The following MDM4 variants were observed in gnomAD, a reference collection of about 807,000 sequenced individuals.
MDM4 encodes the protein MDM4 regulator of p53, also known as protein Mdm4.
In MDM4, 2 loss-of-function variants were observed where a neutral mutation model predicts 60.2. The observed-to-expected ratio is 0.03, with a 90% CI of 0.01 to 0.10. MDM4 has a LOEUF of 0.10. MDM4 is among the 10% of genes least tolerant of loss of function. The pLI, the probability that MDM4 is intolerant of heterozygous loss-of-function variation, is 1.00. For synonymous variants in MDM4, 202 were observed against 198.1 expected (o/e 1.02, Z -0.17); for missense variants, 447 against 577.5 (o/e 0.77, Z 2.32).
In MDM4 at chr1:204,553,834, T is replaced by C. The variant is rs189668120; in HGVS notation, c.*4152T>C. 5 of 220,028 alleles carry C rather than the reference T, an allele frequency of 2.3e-5. No homozygotes were observed. Among genetic ancestry groups the C allele is most frequent in the Admixed American group, 5.8e-5 (1 of 17,276 alleles). 13.6% of individuals were successfully genotyped at this position (220,028 alleles called of 1,614,324 possible). ...CTTTATAAAAATCTTAGACCAGATC[T>C]TTAATATGGTATGCCATTTCCCCAG... On this transcript the variant is annotated 3_prime_UTR_variant, in exon 11 of 11. Coordinates refer to ENST00000367182, the MANE Select transcript of MDM4 (RefSeq NM_002393.5).
At position 204,555,735 on chromosome 1, in the gene MDM4, T is replaced by G. The variant is rs1050208081; in HGVS notation, c.*6053T>G. On this transcript the variant is annotated 3_prime_UTR_variant, in exon 11 of 11. Coordinates refer to ENST00000367182, the MANE Select transcript of MDM4 (RefSeq NM_002393.5). ...CAAAAATTAGCCGGTCGTGGTGGCGTGCACCTGTAGTCCCAGCTACTTGGC... is the reference window on the plus strand; with the variant it reads ...CAAAAATTAGCCGGTCGTGGTGGCGGGCACCTGTAGTCCCAGCTACTTGGC... The G allele has an allele frequency of 8.1e-5, 14 of 173,296 alleles. No individual in the cohort carries two copies. Among genetic ancestry groups the G allele is most frequent in the African/African-American group, 3.1e-4 (13 of 42,124 alleles). The allele number at this position is 173,296 out of a possible 1,614,324, so 10.7% of individuals were successfully genotyped here.
intron 7 of MDM4, among the ~76,000 whole-genome samples, chr1:204,539,658 TCC>T (rs750928450): frequency 5.0e-4 from 76 of 151,398 alleles, no homozygotes; most frequent in Non-Finnish European, 8.4e-4. Context: ...TGCCTCAGCC[TCC>T]TAAGTAGCTG....
At chr1:204,519,806 C>A (rs756117266) in intron 1 of MDM4, among the ~76,000 whole-genome samples, 52 of 150,518 alleles carry the variant, frequency 3.5e-4, no homozygotes, top group Non-Finnish European at 6.2e-4. Flanking sequence ...AGAGTGAGAC[C>A]TTGTCTCAAA....
chr1:204,521,540 C>T (rs1659567638), intron 1 of MDM4, among the ~76,000 whole-genome samples: 1 of 152,076 alleles, frequency 6.6e-6, no homozygotes, highest in South Asian at 2.1e-4. Context: ...ACTGCACCTC[C>T]CTCTCCTTGT....
intron 10 of MDM4, 134 bp downstream of exon 10, chr1:204,547,011 G>T: frequency 2.0e-6 from 1 of 499,208 alleles, no homozygotes; most frequent in Non-Finnish European, 3.6e-6. Flanking sequence ...AAGTGATGTT[G>T]GTTTCTTTAC....
chr1:204,549,241 T>C lies in MDM4; in HGVS notation c.1032T>C (p.Ser344=), dbSNP rs1295579348. 1 of 1,614,172 alleles carries C rather than the reference T, an allele frequency of 6.2e-7. No homozygotes were observed. Residue 344 remains serine (S), a synonymous_variant, in exon 11 of 11, where the codon TCT becomes TCC. Coordinates refer to ENST00000367182, the MANE Select transcript of MDM4 (RefSeq NM_002393.5). The part of the protein sequence containing the change: ...CSKLTHSLST[S]DITAIPEKEN... ...AGTTAACCCATTCTCTCTCCACGTC[T>C]GATATCACTGCCATACCTGAAAAGG... is the stretch of plus-strand genomic sequence containing the variant.
intron 7 of MDM4, 33 bp from the exon 8 acceptor site, chr1:204,542,751 A>G (rs1183287851): frequency 2.0e-6 from 3 of 1,531,412 alleles, no homozygotes; most frequent in African/African-American, 2.8e-5. Context: ...CGTATTGTGC[A>G]TAGTTATCAT....
chr1:204,530,584 T>G, intron 3 of MDM4, 100 bp from the exon 4 acceptor site: 1 of 1,480,716 alleles, frequency 6.8e-7, no homozygotes, highest in Non-Finnish European at 9.3e-7. Context: ...AAATATGTTA[T>G]TTCTTTCTTT....
At chr1:204,541,536 G>A (rs1662082309) in intron 7 of MDM4, among the ~76,000 whole-genome samples, 1 of 152,144 alleles carries the variant, frequency 6.6e-6, no homozygotes, top group Non-Finnish European at 1.5e-5. Context: ...CTCAAGGGGG[G>A]ATATGTAGTT....
rs191833655 is a variant in MDM4 at position 204,530,972 on chromosome 1, G to A, written c.287+155G>A. On this transcript the variant is annotated intron_variant, in intron 4 of 10. Transcript: ENST00000367182. ...AGGCACTGAGAATATGGTAATGAGC[G>A]ACACACAGTCTGATTTTATGGAGTA... 9.2e-5 allele frequency among the ~76,000 whole-genome samples: 14 copies of A among 152,282 alleles called. 1 individual carries two copies. The highest frequency in any genetic ancestry group is 3.9e-4 in the East Asian group (2 of 5,192).
intron 2 of MDM4, 93 bp from the exon 3 acceptor site, chr1:204,526,267 G>A (rs1660135564): frequency 9.1e-7 from 1 of 1,096,876 alleles, no homozygotes; most frequent in Admixed American, 2.1e-5. Context: ...AAAAACAAAA[G>A]CGGGGGGAGC....
intron 1 of MDM4, among the ~76,000 whole-genome samples, chr1:204,524,247 A>G (rs1659879055): frequency 6.6e-6 from 1 of 152,194 alleles, no homozygotes; most frequent in South Asian, 2.1e-4. Context: ...AACAATTTAC[A>G]GGCTAAAACC....
At chr1:204,532,291 T>G in intron 5 of MDM4, 45 bp downstream of exon 5, 1 of 1,235,390 alleles carries the variant, frequency 8.1e-7, no homozygotes, top group East Asian at 2.4e-5. Context: ...AGCTTTGAGT[T>G]CAAGGGGGCA....
At chr1:204,525,630 T>G (rs764563320) in intron 2 of MDM4, 34 bp downstream of exon 2, 30 of 1,289,782 alleles carry the variant, frequency 2.3e-5, no homozygotes, top group Admixed American at 1.1e-4. Flanking sequence ...GTTTTTTGGT[T>G]TTTTTTTTTT....
rs1467934044 is a variant in MDM4 at position 204,550,656 on chromosome 1, C to T, written c.*974C>T. On this transcript the variant is annotated 3_prime_UTR_variant, in exon 11 of 11. Coordinates refer to ENST00000367182, the MANE Select transcript of MDM4 (RefSeq NM_002393.5). ...GGCCCACCTCCTGGGCTCAAGTGAT[C>T]CTCCAGCCTCAGCTTCCCTCACAGG... 2.8e-5 allele frequency: 5 copies of T among 177,044 alleles called. No homozygotes were observed. The highest frequency in any genetic ancestry group is 6.0e-5 in the Non-Finnish European group (5 of 82,902). The allele number at this position is 177,044 out of a possible 1,614,324, so 11.0% of individuals were successfully genotyped here. A position where few individuals can be genotyped will look rare whatever the true frequency, so the allele number is the denominator to read the frequency against.
At chr1:204,517,375 A>G (rs1456405313) in intron 1 of MDM4, among the ~76,000 whole-genome samples, 1 of 151,806 alleles carries the variant, frequency 6.6e-6, no homozygotes, top group African/African-American at 2.4e-5. Context: ...AAGCTTGAAA[A>G]CCACAGGTTT....
chr1:204,539,569 C>T (rs1661817009), intron 7 of MDM4, among the ~76,000 whole-genome samples: 1 of 135,220 alleles, frequency 7.4e-6, no homozygotes, highest in Non-Finnish European at 1.5e-5. Context: ...GGGTCTTGCT[C>T]TGTCACCAGG....
In MDM4 at chr1:204,555,988, C is replaced by A. The variant is rs1663512721; in HGVS notation, c.*6306C>A. ...GACAAATATTTCTGATCAGATAGTC[C>A]CCTGTCAACAGTAGCAAATGTGGTT... On this transcript the variant is annotated 3_prime_UTR_variant, in exon 11 of 11. Transcript: ENST00000367182. 1 of 210,246 alleles carries A rather than the reference C, an allele frequency of 4.8e-6. No individual in the cohort carries two copies. Among genetic ancestry groups the A allele is most frequent in the South Asian group, 1.9e-4 (1 of 5,320 alleles). The allele number at this position is 210,246 out of a possible 1,614,324, so 13.0% of individuals were successfully genotyped here.
At chr1:204,519,630 A>G (rs1659350372) in intron 1 of MDM4, among the ~76,000 whole-genome samples, 1 of 151,726 alleles carries the variant, frequency 6.6e-6, no homozygotes, top group Non-Finnish European at 1.5e-5. Context: ...GCTTTAGCTC[A>G]GAATTTGAGA....
Sources: allele counts gnomAD v4.1 joint callset (sites outside exome capture counted in the v4.1 genomes callset), GRCh38; gene constraint gnomAD v4.1.1; transcripts MANE v1.5; gene names NCBI Gene and HGNC (gene_info 2026-07-23, HGNC 2026-07-21).